Variants in PEPD observed in about 807,000 individuals in gnomAD.
PEPD encodes xaa-Pro dipeptidase.
In PEPD, 53 loss-of-function variants were observed where a neutral mutation model predicts 60.7. The observed-to-expected ratio is 0.87, with a 90% CI of 0.70 to 1.10. PEPD has a LOEUF of 1.10. Ranked by LOEUF, PEPD falls within the 50% of genes least tolerant of loss-of-function variation. The pLI, the probability that PEPD is intolerant of heterozygous loss-of-function variation, is 0.00. For synonymous variants in PEPD, 267 were observed against 284.1 expected, an observed-to-expected ratio of 0.94 and a Z score of 0.60; for missense variants, 711 against 711.9, an observed-to-expected ratio of 1.00 and a Z score of 0.01.
intron 9 of PEPD, among the ~76,000 whole-genome samples, chr19:33,459,691 C>G (rs1409127252): frequency 2.0e-5 from 3 of 151,528 alleles, no homozygotes; most frequent in African/African-American, 7.3e-5. Flanking sequence ...TTTTAACATG[C>G]CTTCAAGATT....
chr19:33,516,931 G>A (rs11673163), intron 1 of PEPD, among the ~76,000 whole-genome samples: 11,209 of 152,116 alleles, frequency 0.074, 516 homozygotes, highest in Non-Finnish European at 0.11. Context: ...TGGGCCAGGC[G>A]CAGTGGCTCA....
intron 13 of PEPD, among the ~76,000 whole-genome samples, chr19:33,389,782 C>T (rs1462770053): frequency 6.6e-6 from 1 of 152,246 alleles, no homozygotes; most frequent in East Asian, 1.9e-4. Context: ...AGAAGGGATC[C>T]CCAGCGGGCA....
chr19:33,422,465 T>C (rs1343164275), intron 9 of PEPD, among the ~76,000 whole-genome samples: 2 of 151,122 alleles, frequency 1.3e-5, no homozygotes, highest in Admixed American at 6.6e-5. Context: ...CATCCATCTA[T>C]CACTCTATCA....
At chr19:33,489,738 C>G (rs1970462560) in intron 6 of PEPD, among the ~76,000 whole-genome samples, 1 of 152,068 alleles carries the variant, frequency 6.6e-6, no homozygotes, top group East Asian at 1.9e-4. Flanking sequence ...TGCCCCTGCC[C>G]TTGCCCCTGC....
At chr19:33,407,048 G>A (rs1600090243) in intron 11 of PEPD, among the ~76,000 whole-genome samples, 1 of 152,332 alleles carries the variant, frequency 6.6e-6, no homozygotes, top group East Asian at 1.9e-4. Context: ...CAGGCTTGCT[G>A]CCCACCAGCT....
At chr19:33,509,646 C>G (rs1453480669) in intron 3 of PEPD, among the ~76,000 whole-genome samples, 2 of 152,238 alleles carry the variant, frequency 1.3e-5, no homozygotes, top group Non-Finnish European at 2.9e-5. Flanking sequence ...CTGCAGCCCA[C>G]CTGGTAATGA....
chr19:33,408,742 C>T (rs554134766), intron 11 of PEPD, among the ~76,000 whole-genome samples: 3 of 152,336 alleles, frequency 2.0e-5, no homozygotes, highest in East Asian at 1.9e-4. Flanking sequence ...GGGAATTCTA[C>T]GCTGGGCTCA....
chr19:33,508,530 C>A (rs1970857790), intron 3 of PEPD, among the ~76,000 whole-genome samples: 1 of 152,254 alleles, frequency 6.6e-6, no homozygotes, highest in African/African-American at 2.4e-5. Context: ...GAGAGGACAG[C>A]AAAGCTCTGC....
chr19:33,492,392 T>G (rs1970519055), intron 5 of PEPD, among the ~76,000 whole-genome samples: 1 of 152,124 alleles, frequency 6.6e-6, no homozygotes, highest in African/African-American at 2.4e-5. Flanking sequence ...CTTTTTAAAT[T>G]TTTTATTTTT....
At chr19:33,406,713 C>T (rs1968634036) in intron 11 of PEPD, among the ~76,000 whole-genome samples, 1 of 152,232 alleles carries the variant, frequency 6.6e-6, no homozygotes, top group South Asian at 2.1e-4. Flanking sequence ...CAGACAGACT[C>T]AGGCTGAGTA....
intron 6 of PEPD, among the ~76,000 whole-genome samples, chr19:33,485,705 TA>T (rs1457157264): frequency 6.6e-6 from 1 of 152,186 alleles, no homozygotes; most frequent in African/African-American, 2.4e-5. Flanking sequence ...ATTTCATCTT[TA>T]ACTGCTTGCT....
At chr19:33,519,186 G>A (rs1027375433) in intron 1 of PEPD, among the ~76,000 whole-genome samples, 6 of 152,174 alleles carry the variant, frequency 3.9e-5, no homozygotes, top group African/African-American at 9.7e-5. Context: ...TGACCTCAGC[G>A]CACTCTGTCT....
chr19:33,447,279 G>A (rs1335218358), intron 9 of PEPD, among the ~76,000 whole-genome samples: 4 of 152,336 alleles, frequency 2.6e-5, no homozygotes, highest in Non-Finnish European at 4.4e-5. Flanking sequence ...CACCAGTGCC[G>A]GATGACTGTG....
chr19:33,504,634 C>CT (rs937507584), intron 3 of PEPD, among the ~76,000 whole-genome samples: 1 of 152,042 alleles, frequency 6.6e-6, no homozygotes, highest in Non-Finnish European at 1.5e-5. Flanking sequence ...GGTGTGGTGG[C>CT]TGTAATCCCA....
At chr19:33,395,645 G>A (rs1968342694) in intron 12 of PEPD, among the ~76,000 whole-genome samples, 1 of 152,180 alleles carries the variant, frequency 6.6e-6, no homozygotes, top group African/African-American at 2.4e-5. Flanking sequence ...CAGCTCCTTG[G>A]AGCCTCAAAG....
intron 6 of PEPD, among the ~76,000 whole-genome samples, chr19:33,485,938 CT>C (rs796836340): frequency 6.6e-5 from 10 of 152,240 alleles, no homozygotes; most frequent in African/African-American, 2.4e-4. Flanking sequence ...TGGGAGGCGA[CT>C]GCCTTGTGCC....
At chr19:33,424,283 C>T (rs1271486964) in intron 9 of PEPD, among the ~76,000 whole-genome samples, 3 of 152,206 alleles carry the variant, frequency 2.0e-5, no homozygotes, top group East Asian at 3.9e-4. Flanking sequence ...AACACAGAAC[C>T]GAAAGAAATT....
At chr19:33,506,774 CCACA>C (rs531617855) in intron 3 of PEPD, among the ~76,000 whole-genome samples, 15 of 148,694 alleles carry the variant, frequency 1.0e-4, no homozygotes, top group Non-Finnish European at 2.1e-4. Flanking sequence ...AACCTACACA[CCACA>C]CACACACCCC....
At chr19:33,490,163 C>A in intron 5 of PEPD, 106 bp from the exon 6 acceptor site, 1 of 774,404 alleles carries the variant, frequency 1.3e-6, no homozygotes, top group South Asian at 1.5e-5. Context: ...AACAGGATCC[C>A]CTCCTGCCTT....
Sources: allele counts gnomAD v4.1 joint callset (sites outside exome capture counted in the v4.1 genomes callset), GRCh38; gene constraint gnomAD v4.1.1; transcripts MANE v1.5; gene names NCBI Gene and HGNC (gene_info 2026-07-23, HGNC 2026-07-21).